The following SEMA5B variants were observed in gnomAD, a reference collection of about 807,000 sequenced individuals.
The protein encoded by SEMA5B is semaphorin-5B.
SEMA5B carries 66 observed loss-of-function variants against 135.0 expected under a neutral mutation model. The ratio of observed to expected loss-of-function variants is 0.49; its 90% CI spans 0.40 to 0.60. The LOEUF is 0.60. Ranked by LOEUF, SEMA5B falls within the 20% of genes least tolerant of loss-of-function variation. SEMA5B has a pLI of 0.00. For missense variants in SEMA5B, 1,501 were observed against 1,566.3 expected (o/e 0.96, Z 0.70); for synonymous variants, 690 against 639.5 (o/e 1.08, Z -1.19).
Position 122,922,235 on chromosome 3 carries a change from C to A in SEMA5B, c.1480+5G>T, listed in dbSNP as rs1326919944. Reference sequence around the variant, plus strand: ...TGCAGTCCAGGTTGGACCGGGCCGGCTCACCGGTGCCAATGTAGAGTACAT... The same window carrying A: ...TGCAGTCCAGGTTGGACCGGGCCGGATCACCGGTGCCAATGTAGAGTACAT... On this transcript the variant is annotated splice_donor_5th_base_variant and intron_variant, in intron 11 of 22. Transcript: ENST00000357599. 1 of 1,607,088 alleles carries A rather than the reference C, an allele frequency of 6.2e-7. No individual in the cohort carries two copies. The highest frequency in any genetic ancestry group is 8.5e-7 in the Non-Finnish European group (1 of 1,174,744).
chr3:123,026,676 T>C (rs1009550644), intron 1 of SEMA5B, among the ~76,000 whole-genome samples: 2 of 151,870 alleles, frequency 1.3e-5, no homozygotes, highest in Non-Finnish European at 2.9e-5. Flanking sequence ...CGCCCCCCGC[T>C]CCCTCCCTCC....
rs1011486501 is a variant in SEMA5B, at chr3:122,921,952, C to A, written c.1651G>T (p.Val551Phe). 6.5e-7 allele frequency: 1 copy of A among 1,535,830 alleles called. No homozygotes were observed. The highest frequency in any genetic ancestry group is 8.7e-7 in the Non-Finnish European group (1 of 1,145,660). The change falls in exon 12 of 23, where the codon GTC (valine) becomes TTC (phenylalanine). Residue 551 changes from valine to phenylalanine, a missense_variant. By Grantham distance (50) the Val-to-Phe change is conservative. Coordinates refer to ENST00000357599, the MANE Select transcript of SEMA5B (RefSeq NM_001031702.4). ...TAGGCGGCGCACCTCTCCAGTGGGA[C>A]CCGCAGGACGCCGTCTCTCAGCCCC... ...FVGLRDGVLR[V>F]PLERCAAYRS...
At chr3:123,010,740 G>A (rs1293651827) in intron 1 of SEMA5B, among the ~76,000 whole-genome samples, 1 of 150,906 alleles carries the variant, frequency 6.6e-6, no homozygotes, top group Admixed American at 6.6e-5. Context: ...AACCCGGGAG[G>A]TGGAGGTTGC....
intron 1 of SEMA5B, among the ~76,000 whole-genome samples, chr3:122,961,567 C>T (rs1163519975): frequency 6.6e-6 from 1 of 151,976 alleles, no homozygotes; most frequent in Admixed American, 6.6e-5. Context: ...TCAAAAGATC[C>T]TCCTGCCTCA....
chr3:123,001,708 C>T (rs1942179114), intron 1 of SEMA5B, among the ~76,000 whole-genome samples: 1 of 152,200 alleles, frequency 6.6e-6, no homozygotes, highest in South Asian at 2.1e-4. Context: ...GGCCTGGCGA[C>T]ACCTGCATTC....
intron 1 of SEMA5B, among the ~76,000 whole-genome samples, chr3:123,001,761 G>A (rs17216347): frequency 0.034 from 5,207 of 152,240 alleles, 148 homozygotes; most frequent in Non-Finnish European, 0.048. Context: ...AGTGGCAGGA[G>A]AAGCGAGCAC....
chr3:122,965,049 T>C (rs1940759375), intron 1 of SEMA5B, among the ~76,000 whole-genome samples: 1 of 152,164 alleles, frequency 6.6e-6, no homozygotes, highest in Admixed American at 6.5e-5. Flanking sequence ...GTAGGGTAGC[T>C]TTGTGACTGG....
Position 122,971,662 on chromosome 3 carries a change from G to A in SEMA5B, c.-38-10361C>T, listed in dbSNP as rs531701969. ...AGTCTCTCCTCCTGAATGCCCAGTGGGGAAGGTGTTCACACACTTATTGCT... is the reference window on the plus strand; with the variant it reads ...AGTCTCTCCTCCTGAATGCCCAGTGAGGAAGGTGTTCACACACTTATTGCT... On this transcript the variant is annotated intron_variant, in intron 1 of 22. Transcript: ENST00000357599. Among the ~76,000 whole-genome samples, 13 of 152,362 alleles carry A rather than the reference G, an allele frequency of 8.5e-5. No homozygotes were observed. In the South Asian group the frequency reaches 2.7e-3, roughly 32 times the overall value.
At chr3:122,926,817 C>A (rs1192973264) in intron 8 of SEMA5B, 140 bp from the exon 9 acceptor site, 3 of 878,640 alleles carry the variant, frequency 3.4e-6, no homozygotes, top group Non-Finnish European at 5.2e-6. Context: ...GACCTGGGGG[C>A]CCTAACTAAC....
chr3:122,993,439 T>G (rs1460638572), intron 1 of SEMA5B, among the ~76,000 whole-genome samples: 1 of 152,140 alleles, frequency 6.6e-6, no homozygotes, highest in African/African-American at 2.4e-5. Context: ...GGTGGATTAT[T>G]TGTCCCAGGA....
intron 1 of SEMA5B, among the ~76,000 whole-genome samples, chr3:122,962,982 G>A (rs1369274842): frequency 6.6e-6 from 1 of 152,200 alleles, no homozygotes; most frequent in Non-Finnish European, 1.5e-5. Context: ...TGACCCCAAA[G>A]CCCCATTCTT....
At chr3:122,980,722 T>C (rs565304243) in intron 1 of SEMA5B, among the ~76,000 whole-genome samples, 15 of 152,332 alleles carry the variant, frequency 9.8e-5, no homozygotes, top group African/African-American at 3.6e-4. Context: ...GGTAATTAAG[T>C]GCATTCACAC....
chr3:122,912,479 C>G lies in SEMA5B; in HGVS notation c.2726-137G>C, dbSNP rs1003764630. ...TCCACCCGATCCACCCGCCACCCAA[C>G]AGTCCACTGTTAGGGAGTGCCCCCA... On this transcript the variant is annotated intron_variant, in intron 18 of 22. Coordinates refer to ENST00000357599, the MANE Select transcript of SEMA5B (RefSeq NM_001031702.4). 3.7e-6 allele frequency: 3 copies of G among 815,194 alleles called. No homozygotes were observed. The African/African-American group carries it at 5.2e-5, about 14-fold the overall frequency. 50.5% of individuals were successfully genotyped at this position (815,194 alleles called of 1,614,324 possible).
intron 1 of SEMA5B, among the ~76,000 whole-genome samples, chr3:123,013,930 C>G (rs1321827725): frequency 1.3e-5 from 2 of 152,226 alleles, no homozygotes; most frequent in Admixed American, 1.3e-4. Flanking sequence ...AGCTTGGCTT[C>G]TGTCTTCCCC....
At chr3:122,928,459 G>T in intron 7 of SEMA5B, 58 bp downstream of exon 7, 1 of 1,384,146 alleles carries the variant, frequency 7.2e-7, no homozygotes, top group Non-Finnish European at 9.9e-7. Flanking sequence ...TGTGTGCCTA[G>T]GCAGGAGAAC....
intron 1 of SEMA5B, among the ~76,000 whole-genome samples, chr3:122,974,099 A>AC (rs148741829): frequency 0.02 from 2,997 of 151,886 alleles, 70 homozygotes; most frequent in African/African-American, 0.063. Flanking sequence ...CAGGCACACC[A>AC]CCCCCCATCT....
At chr3:123,013,798 G>C (rs1942490385) in intron 1 of SEMA5B, among the ~76,000 whole-genome samples, 1 of 152,232 alleles carries the variant, frequency 6.6e-6, no homozygotes, top group African/African-American at 2.4e-5. Flanking sequence ...AGCCAGAATA[G>C]AAAGGAGAGA....
At chr3:122,919,689 C>T (rs1374008196) in intron 12 of SEMA5B, among the ~76,000 whole-genome samples, 3 of 152,202 alleles carry the variant, frequency 2.0e-5, no homozygotes, top group Non-Finnish European at 4.4e-5. Context: ...AGCTTGGTGA[C>T]TGTGTGTACT....
chr3:123,017,511 A>G (rs1355813284), intron 1 of SEMA5B, among the ~76,000 whole-genome samples: 10 of 152,194 alleles, frequency 6.6e-5, no homozygotes, highest in African/African-American at 2.4e-4. Context: ...TGTGAGTTTC[A>G]AATAAGCACC....
Sources: gnomAD v4.1 joint callset for allele counts (sites outside exome capture counted in the v4.1 genomes callset) on GRCh38, gnomAD v4.1.1 for gene constraint, MANE v1.5 for transcripts, NCBI Gene and HGNC (gene_info 2026-07-23, HGNC 2026-07-21) for gene names.